Variants in HECTD4 observed in about 807,000 individuals in gnomAD.
HECTD4 encodes HECT domain E3 ubiquitin protein ligase 4, also known as probable E3 ubiquitin-protein ligase HECTD4.
A neutral mutation model predicts 471.5 loss-of-function variants in HECTD4; 114 were observed. The ratio of observed to expected loss-of-function variants is 0.24; its 90% CI spans 0.21 to 0.28. The LOEUF (loss-of-function observed/expected upper bound fraction) is 0.28. Among genes scored for constraint, HECTD4 ranks in the 10% least tolerant of loss-of-function variants. HECTD4 has a pLI of 1.00. For synonymous variants in HECTD4, 2,012 were observed against 2,256.0 expected (o/e 0.89, Z 3.07); for missense variants, 3,866 against 5,651.5 (o/e 0.68, Z 10.13).
rs1370181099 is a variant in HECTD4, at chr12:112,250,964, T to C, written c.3716+7A>G. 6.2e-6 allele frequency: 10 copies of C among 1,604,016 alleles called. No homozygotes were observed. The highest frequency in any genetic ancestry group is 7.7e-6 in the Non-Finnish European group (9 of 1,175,512). On this transcript the variant is annotated splice_region_variant and intron_variant, in intron 24 of 75. Coordinates refer to ENST00000682272, the MANE Select transcript of HECTD4 (RefSeq NM_001388303.1). ...CAACACTAGCTCAATTTCAACCTTTTTGTTACCTTTGTAAAAGTTTGGACC... is the reference window on the plus strand; with the variant it reads ...CAACACTAGCTCAATTTCAACCTTTCTGTTACCTTTGTAAAAGTTTGGACC...
rs984917096 is a variant in HECTD4, at chr12:112,192,818, G to A, written c.9087-53C>T. Reference sequence around the variant, plus strand: ...ATACAGGGTCTAGCCATGCACATGGGGACAGGCAGCTTTGCCTTCTCACCA... The same window carrying A: ...ATACAGGGTCTAGCCATGCACATGGAGACAGGCAGCTTTGCCTTCTCACCA... On this transcript the variant is annotated intron_variant, in intron 58 of 75. Transcript: ENST00000682272. The A allele has an allele frequency of 1.4e-5, 20 of 1,437,620 alleles. No individual in the cohort carries two copies. In the East Asian group the frequency reaches 4.7e-4, roughly 34 times the overall value. The allele number at this position is 1,437,620 out of a possible 1,614,324, so 89.1% of individuals were successfully genotyped here. A position where few individuals can be genotyped will look rare whatever the true frequency, so the allele number is the denominator to read the frequency against.
intron 60 of HECTD4, among the ~76,000 whole-genome samples, chr12:112,189,565 A>AAAAAAAAAAAG (rs2032005991): frequency 6.6e-6 from 1 of 151,074 alleles, no homozygotes; most frequent in Non-Finnish European, 1.5e-5. Flanking sequence ...AAAAAAAAAA[A>AAAAAAAAAAAG]AAAAAAAAAA....
At chr12:112,305,110 T>C (rs1213497276) in intron 7 of HECTD4, among the ~76,000 whole-genome samples, 1 of 152,202 alleles carries the variant, frequency 6.6e-6, no homozygotes, top group African/African-American at 2.4e-5. Flanking sequence ...ATGGAAATGT[T>C]CTATATCTTT....
intron 9 of HECTD4, 125 bp downstream of exon 9, chr12:112,279,103 T>C (rs1402823352): frequency 1.3e-6 from 1 of 750,086 alleles, no homozygotes; most frequent in Non-Finnish European, 2.1e-6. Context: ...TTGGTATTTT[T>C]TGTTATCAGA....
chr12:112,217,577 C>A (rs2032959066), intron 45 of HECTD4, among the ~76,000 whole-genome samples: 1 of 152,236 alleles, frequency 6.6e-6, no homozygotes, highest in South Asian at 2.1e-4. Context: ...TGATCTCAAA[C>A]TCCTGGGCTC....
Position 112,381,464 on chromosome 12 carries a change from TC to T in HECTD4, c.177+487del, listed in dbSNP as rs1467060418. On this transcript the variant is annotated intron_variant, in intron 1 of 75. Transcript: ENST00000682272. The surrounding 1 kb of genome is among the most constrained non-coding windows in gnomAD (Gnocchi z 4.1). ...CGGACCCGCAGCTGCCACTACCCTC[TC>T]CCGGAAAAAAACCAAACCAAACCAA... Among the ~76,000 whole-genome samples the T allele has an allele frequency of 6.6e-6, 1 of 151,234 alleles. No individual in the cohort carries two copies. The highest frequency in any genetic ancestry group is 1.5e-5 in the Non-Finnish European group (1 of 67,850).
At chr12:112,240,468 G>A (rs1413556095) in intron 32 of HECTD4, among the ~76,000 whole-genome samples, 2 of 148,108 alleles carry the variant, frequency 1.4e-5, no homozygotes, top group Non-Finnish European at 3.0e-5. Flanking sequence ...TTTTTTTTTA[G>A]AGACAGGGTC....
chr12:112,287,818 G>C (rs916989696), intron 7 of HECTD4, among the ~76,000 whole-genome samples: 2 of 152,102 alleles, frequency 1.3e-5, no homozygotes, highest in African/African-American at 4.8e-5. Flanking sequence ...AGTAGAAGTA[G>C]CCAAATCAGG....
Position 112,273,598 on chromosome 12 carries a change from T to C in HECTD4, c.1942+57A>G, listed in dbSNP as rs568324642. 64 of 1,528,392 alleles carry C rather than the reference T, an allele frequency of 4.2e-5. 1 individual carries two copies. In the South Asian group the frequency reaches 5.8e-4, roughly 14 times the overall value. The allele number at this position is 1,528,392 out of a possible 1,614,324, so 94.7% of individuals were successfully genotyped here. A position where few individuals can be genotyped will look rare whatever the true frequency, so the allele number is the denominator to read the frequency against. On this transcript the variant is annotated intron_variant, in intron 11 of 75. Coordinates refer to ENST00000682272, the MANE Select transcript of HECTD4 (RefSeq NM_001388303.1). ...ATGTTTTCACCTACTAATGCTGTGG[T>C]ATTCTCTCATATTTCAGAGGAAAAT... is the stretch of plus-strand genomic sequence containing the variant.
chr12:112,361,199 C>T lies in HECTD4; in HGVS notation c.177+20753G>A, dbSNP rs560661564. Among the ~76,000 whole-genome samples, 431 of 152,216 alleles carry T rather than the reference C, an allele frequency of 2.8e-3. 5 individuals carry two copies. Among genetic ancestry groups the T allele is most frequent in the African/African-American group, 9.7e-3 (401 of 41,532 alleles). On this transcript the variant is annotated intron_variant, in intron 1 of 75. Coordinates refer to ENST00000682272, the MANE Select transcript of HECTD4 (RefSeq NM_001388303.1). ...TATTTTAACCACAAAGCTCTTCTCC[C>T]ATCCATATTTTCTTCATTATTATAT... is the stretch of plus-strand genomic sequence containing the variant.
At chr12:112,238,689 C>CA (rs2033572034) in intron 34 of HECTD4, among the ~76,000 whole-genome samples, 1 of 152,042 alleles carries the variant, frequency 6.6e-6, no homozygotes, top group African/African-American at 2.4e-5. Flanking sequence ...GCTATGATTG[C>CA]ACCACTGTAC....
In HECTD4 at chr12:112,179,269, C is replaced by T. The variant is rs773999152; in HGVS notation, c.11116G>A (p.Glu3706Lys). The T allele has an allele frequency of 6.2e-7, 1 of 1,613,656 alleles. No individual in the cohort carries two copies. The highest frequency in any genetic ancestry group is 8.5e-7 in the Non-Finnish European group (1 of 1,179,778). Residue 3706 changes from glutamate to lysine, a missense_variant, in exon 63 of 76, where the codon GAG (glutamate) becomes AAG (lysine). Coordinates refer to ENST00000682272, the MANE Select transcript of HECTD4 (RefSeq NM_001388303.1). This position sits in a 1 kb window ranked among gnomAD's most constrained non-coding sequence, Gnocchi z 4.3. ...IRVSDIYLSK[E>K]QINSQTPGNL... ...CCTGGGGTCTGGGAGTTGATCTGCT[C>T]TTTGCTAAGATAAATGTCAGAGACT... is the stretch of plus-strand genomic sequence containing the variant.
chr12:112,213,366 C>A lies in HECTD4; in HGVS notation c.7466-716G>T, dbSNP rs543451769. Among the ~76,000 whole-genome samples the A allele has an allele frequency of 7.9e-5, 12 of 152,084 alleles. No individual in the cohort carries two copies. The highest frequency in any genetic ancestry group is 1.3e-4 in the Non-Finnish European group (9 of 68,000). On this transcript the variant is annotated intron_variant, in intron 48 of 75. Coordinates refer to ENST00000682272, the MANE Select transcript of HECTD4 (RefSeq NM_001388303.1). The surrounding 1 kb of genome is among the most constrained non-coding windows in gnomAD (Gnocchi z 4.0). ...AAAAAGGTATTAGTAATATCATCTCCGGTGAATATTCAGAAATGGCCTAAA... is the reference window on the plus strand; with the variant it reads ...AAAAAGGTATTAGTAATATCATCTCAGGTGAATATTCAGAAATGGCCTAAA...
chr12:112,228,674 C>T lies in HECTD4; in HGVS notation c.6657G>A (p.Leu2219=). The T allele has an allele frequency of 1.2e-6, 2 of 1,608,454 alleles. No individual in the cohort carries two copies. The highest frequency in any genetic ancestry group is 1.7e-6 in the Non-Finnish European group (2 of 1,178,790). Reference sequence around the variant, plus strand: ...CTGATCTTGGAACACAAAGTCTAGACAATGGAATAGTCAATGTGTCTGACG... The same window carrying T: ...CTGATCTTGGAACACAAAGTCTAGATAATGGAATAGTCAATGTGTCTGACG... ...SQASDTLTIP[L]SRLCVPRSEA... is the part of the protein sequence containing the mutation. Residue 2219 remains leucine (L), a synonymous_variant, in exon 42 of 76, where the codon TTG becomes TTA. Coordinates refer to ENST00000682272, the MANE Select transcript of HECTD4 (RefSeq NM_001388303.1). The surrounding 1 kb of genome is among the most constrained non-coding windows in gnomAD (Gnocchi z 4.9).
intron 1 of HECTD4, among the ~76,000 whole-genome samples, chr12:112,336,401 T>A (rs2035959471): frequency 1.3e-5 from 2 of 152,070 alleles, no homozygotes; most frequent in South Asian, 4.2e-4. Flanking sequence ...CAGGCACCTG[T>A]AGTCCCAGCT....
At chr12:112,220,381 A>G (rs994808489) in intron 44 of HECTD4, among the ~76,000 whole-genome samples, 1 of 152,046 alleles carries the variant, frequency 6.6e-6, no homozygotes, top group African/African-American at 2.4e-5. Context: ...CACACAGTAA[A>G]GAGCACAGTG....
At position 112,356,252 on chromosome 12, in the gene HECTD4, G is replaced by A. The variant is rs114526062; in HGVS notation, c.177+25700C>T. 2.9e-3 allele frequency among the ~76,000 whole-genome samples: 441 copies of A among 152,180 alleles called. 1 individual carries two copies. The highest frequency in any genetic ancestry group is 9.9e-3 in the African/African-American group (410 of 41,528). On this transcript the variant is annotated intron_variant, in intron 1 of 75. Transcript: ENST00000682272. Reference sequence around the variant, plus strand: ...CTAATCCAAAAAATATCAAATGATTGCTAAAAATAAAGGGGATATTGTAAA... The same window carrying A: ...CTAATCCAAAAAATATCAAATGATTACTAAAAATAAAGGGGATATTGTAAA...
At chr12:112,215,362 G>A (rs1436559321) in intron 48 of HECTD4, among the ~76,000 whole-genome samples, 1 of 152,170 alleles carries the variant, frequency 6.6e-6, no homozygotes, top group Non-Finnish European at 1.5e-5. Context: ...TTCTATTATA[G>A]ATGAAGCCTA....
chr12:112,183,612 G>T (rs1193273783), intron 61 of HECTD4, among the ~76,000 whole-genome samples: 2 of 152,204 alleles, frequency 1.3e-5, no homozygotes, highest in Non-Finnish European at 2.9e-5. Context: ...GAAACCAGCT[G>T]CTTGATCCTT....
Sources: allele counts gnomAD v4.1 joint callset (sites outside exome capture counted in the v4.1 genomes callset), GRCh38; gene constraint gnomAD v4.1.1; non-coding constraint Gnocchi (gnomAD v3.1); transcripts MANE v1.5; gene names NCBI Gene and HGNC (gene_info 2026-07-23, HGNC 2026-07-21).